The following MMP26 variants were observed in gnomAD, a reference collection of about 807,000 sequenced individuals.
The protein encoded by MMP26 is matrix metallopeptidase 26.
In MMP26, 33 loss-of-function variants were observed where a neutral mutation model predicts 31.0. The observed-to-expected ratio is 1.06, with a 90% CI of 0.81 to 1.42. The LOEUF is 1.42. Ranked by LOEUF, MMP26 falls within the 40% of genes most tolerant of loss-of-function variation. The pLI is 0.00. For synonymous variants in MMP26, 122 were observed against 114.9 expected, an observed-to-expected ratio of 1.06 and a Z score of -0.40; for missense variants, 347 against 316.1, an observed-to-expected ratio of 1.10 and a Z score of -0.74.
chr11:4,987,873 C>T (rs561951362), intron 2 of MMP26, among the ~76,000 whole-genome samples, 195 bp from the exon 3 acceptor site: 9 of 152,198 alleles, frequency 5.9e-5, no homozygotes, highest in African/African-American at 9.6e-5. Flanking sequence ...TAATGAGTTT[C>T]GACACACCTC....
chr11:4,924,379 T>C (rs1851238629), intron 2 of MMP26: 2 of 1,537,598 alleles, frequency 1.3e-6, no homozygotes. Context: ...GAATATAGAA[T>C]GAGATTCCTG....
At chr11:4,984,540 T>C (rs1846859552) in intron 2 of MMP26, among the ~76,000 whole-genome samples, 1 of 152,212 alleles carries the variant, frequency 6.6e-6, no homozygotes, top group Non-Finnish European at 1.5e-5. Flanking sequence ...TGAACACTTT[T>C]ATTAATTTAA....
intron 2 of MMP26, among the ~76,000 whole-genome samples, chr11:4,956,310 C>T (rs1390233650): frequency 6.6e-6 from 1 of 152,160 alleles, no homozygotes; most frequent in Non-Finnish European, 1.5e-5. Context: ...CAGTGGCTCT[C>T]GGGTCACAGA....
At chr11:4,781,051 T>G (rs1185735797) in intron 2 of MMP26, among the ~76,000 whole-genome samples, 3 of 152,078 alleles carry the variant, frequency 2.0e-5, no homozygotes, top group Admixed American at 6.5e-5. Context: ...TATGTTTCCA[T>G]TTATATAAAA....
chr11:4,782,183 C>G (rs577764205), intron 2 of MMP26, among the ~76,000 whole-genome samples: 2 of 152,128 alleles, frequency 1.3e-5, no homozygotes, highest in Non-Finnish European at 2.9e-5. Context: ...CAGAAGAAGA[C>G]AGGAAAATGT....
At chr11:4,897,696 G>A (rs947200254) in intron 2 of MMP26, among the ~76,000 whole-genome samples, 12 of 150,832 alleles carry the variant, frequency 8.0e-5, no homozygotes, top group African/African-American at 2.9e-4. Context: ...TTGATCCTTA[G>A]AGTACGAATC....
chr11:4,821,227 T>C, intron 2 of MMP26: 1 of 641,228 alleles, frequency 1.6e-6, no homozygotes, highest in Non-Finnish European at 2.7e-6. Context: ...CTTTTCTCAA[T>C]AAATGTGAAA....
intron 1 of MMP26, among the ~76,000 whole-genome samples, chr11:4,766,055 C>G (rs746708977): frequency 6.6e-5 from 10 of 152,188 alleles, no homozygotes; most frequent in Non-Finnish European, 1.3e-4. Flanking sequence ...TGCATTCTTG[C>G]TAATATAGTC....
At chr11:4,781,402 C>T (rs1302120250) in intron 2 of MMP26, among the ~76,000 whole-genome samples, 2 of 79,974 alleles carry the variant, frequency 2.5e-5, no homozygotes, top group Non-Finnish European at 2.4e-5. Context: ...AAAAAATTAG[C>T]CGGGCGCGGT....
intron 2 of MMP26, among the ~76,000 whole-genome samples, chr11:4,897,988 A>G (rs59973962): frequency 0.039 from 5,876 of 148,938 alleles, 384 homozygotes; most frequent in African/African-American, 0.14. Flanking sequence ...AAAAGTTTCT[A>G]TTTTCTCATA....
chr11:4,720,075 G>A (rs1408187052), intron 1 of MMP26, among the ~76,000 whole-genome samples: 1 of 152,018 alleles, frequency 6.6e-6, no homozygotes, highest in Non-Finnish European at 1.5e-5. Flanking sequence ...TTTGCCTCTG[G>A]CCTCCTTGAC....
intron 2 of MMP26, chr11:4,881,860 T>A: frequency 6.5e-7 from 1 of 1,539,504 alleles, no homozygotes; most frequent in South Asian, 1.1e-5. Flanking sequence ...AGAATCTTAA[T>A]TATTTTTCTT....
intron 1 of MMP26, among the ~76,000 whole-genome samples, chr11:4,761,355 G>A (rs1030109893): frequency 5.9e-5 from 9 of 152,314 alleles, no homozygotes; most frequent in Admixed American, 5.9e-4. Context: ...AAAGGGAGGA[G>A]AGATTCCCTT....
intron 2 of MMP26, among the ~76,000 whole-genome samples, chr11:4,809,140 C>T (rs7103247): frequency 0.07 from 10,675 of 152,004 alleles, 752 homozygotes; most frequent in African/African-American, 0.19. Flanking sequence ...TCTCTTCTTC[C>T]CTAGTACTTC....
chr11:4,712,918 A>G (rs1454761461), intron 1 of MMP26, among the ~76,000 whole-genome samples: 5 of 151,824 alleles, frequency 3.3e-5, no homozygotes, highest in Admixed American at 2.0e-4. Flanking sequence ...GCTTTTATTT[A>G]TAGTCCATCT....
At chr11:4,929,175 A>G (rs1851312374) in intron 2 of MMP26, among the ~76,000 whole-genome samples, 1 of 152,056 alleles carries the variant, frequency 6.6e-6, no homozygotes, top group Admixed American at 6.6e-5. Context: ...TTATTTTTTT[A>G]ATTATTATTA....
chr11:4,822,227 C>G (rs1268786770), intron 2 of MMP26: 1 of 1,582,478 alleles, frequency 6.3e-7, no homozygotes, highest in Non-Finnish European at 8.6e-7. Flanking sequence ...TATGGCCATT[C>G]AGCACCTCCA....
At chr11:4,849,129 C>G in intron 2 of MMP26, 3 of 1,614,090 alleles carry the variant, frequency 1.9e-6, no homozygotes, top group Non-Finnish European at 2.5e-6. Context: ...ACCTGATAGG[C>G]CTGGCATGCC....
chr11:4,840,201 G>T (rs1849775284), intron 2 of MMP26, among the ~76,000 whole-genome samples: 1 of 152,192 alleles, frequency 6.6e-6, no homozygotes, highest in Admixed American at 6.5e-5. Context: ...TGACCCTAGT[G>T]CCTAAATCCC....
Sources: allele counts gnomAD v4.1 joint callset (sites outside exome capture counted in the v4.1 genomes callset), GRCh38; gene constraint gnomAD v4.1.1; transcripts MANE v1.5; gene names NCBI Gene and HGNC (gene_info 2026-07-23, HGNC 2026-07-21).